PTCD3: variants seen among roughly 807,000 people sequenced by gnomAD.
PTCD3 encodes the protein small ribosomal subunit protein mS39.
A neutral mutation model predicts 101.9 loss-of-function variants in PTCD3; 89 were observed. The observed-to-expected ratio is 0.87, with a 90% confidence interval of 0.74 to 1.04. The LOEUF (loss-of-function observed/expected upper bound fraction) is 1.04, where lower values mean the gene tolerates loss of function less well. Ranked by LOEUF, PTCD3 falls within the 50% of genes least tolerant of loss-of-function variation. PTCD3 has a pLI of 0.00. For missense variants in PTCD3, 870 were observed against 828.2 expected (o/e 1.05, Z -0.62); for synonymous variants, 296 against 278.5 (o/e 1.06, Z -0.63).
chr2:86,123,783 A>G (rs1442362561), intron 9 of PTCD3, 21 bp downstream of exon 9: 1 of 1,554,044 alleles, frequency 6.4e-7, no homozygotes, highest in East Asian at 2.3e-5. Flanking sequence ...CGTAATTAGA[A>G]CCTTGAATTA....
At position 86,123,848 on chromosome 2, in the gene PTCD3, G is replaced by T. The variant is rs1017826427; in HGVS notation, c.716+86G>T. Reference sequence around the variant, plus strand: ...CATCACCCTGTGAAGATGTTTTCTTGTGATGTTCTAAAATAATTGATTTTT... The same window carrying T: ...CATCACCCTGTGAAGATGTTTTCTTTTGATGTTCTAAAATAATTGATTTTT... On this transcript the variant is annotated intron_variant, in intron 9 of 23. Coordinates refer to ENST00000254630, the MANE Select transcript of PTCD3 (RefSeq NM_017952.6). 6.8e-6 allele frequency: 6 copies of T among 883,890 alleles called. No individual in the cohort carries two copies. The African/African-American group carries it at 8.7e-5, about 13-fold the overall frequency. The allele number at this position is 883,890 out of a possible 1,614,324, so 54.8% of individuals were successfully genotyped here.
chr2:86,121,653 T>C, intron 8 of PTCD3, 59 bp downstream of exon 8: 1 of 1,136,530 alleles, frequency 8.8e-7, no homozygotes, highest in East Asian at 2.4e-5. Context: ...AAGAAATTGC[T>C]TTTAAAAATA....
chr2:86,107,285 ATC>A (rs1673975968), intron 1 of PTCD3: 1 of 467,202 alleles, frequency 2.1e-6, no homozygotes, highest in African/African-American at 2.0e-5. Context: ...AATAACTGTG[ATC>A]TCTGTTTTAA....
chr2:86,136,686 C>G (rs573416684), intron 22 of PTCD3, 124 bp downstream of exon 22: 2 of 1,164,260 alleles, frequency 1.7e-6, no homozygotes, highest in Admixed American at 3.7e-5. Flanking sequence ...CCGTCAACTC[C>G]CTACTATCCA....
chr2:86,135,054 G>A (rs375134828), intron 21 of PTCD3, 67 bp downstream of exon 21: 8 of 1,491,106 alleles, frequency 5.4e-6, no homozygotes, highest in East Asian at 2.3e-5. Context: ...ATTGGCCCAC[G>A]CTGGTAGAGG....
intron 21 of PTCD3, chr2:86,136,040 C>T (rs1384808057): frequency 1.9e-6 from 1 of 518,720 alleles, no homozygotes; most frequent in South Asian, 1.4e-5. Context: ...CAGACTGAAC[C>T]CCTGCTGTAC....
At chr2:86,135,205 T>C (rs1004166658) in intron 21 of PTCD3, 6 of 433,904 alleles carry the variant, frequency 1.4e-5, no homozygotes, top group South Asian at 7.6e-5. Flanking sequence ...CTGAGAATTA[T>C]CTTTCTACTT....
chr2:86,109,502 A>G (rs1674036294), intron 3 of PTCD3, among the ~76,000 whole-genome samples: 1 of 152,200 alleles, frequency 6.6e-6, no homozygotes. Context: ...CAGGGAGCCC[A>G]GTGATGTCAA....
At chr2:86,136,864 C>T (rs1674593382) in intron 22 of PTCD3, 118 bp from the exon 23 acceptor site, 1 of 1,305,918 alleles carries the variant, frequency 7.7e-7, no homozygotes, top group African/African-American at 1.5e-5. Context: ...TGTTAGACTT[C>T]ATCTTTGTCT....
At chr2:86,109,448 T>A (rs956685769) in intron 3 of PTCD3, among the ~76,000 whole-genome samples, 5 of 152,198 alleles carry the variant, frequency 3.3e-5, no homozygotes, top group East Asian at 1.9e-4. Flanking sequence ...AAGACTTTTT[T>A]AAGAACTTTA....
intron 6 of PTCD3, 116 bp downstream of exon 6, chr2:86,117,275 G>A (rs1674193235): frequency 1.9e-6 from 1 of 528,740 alleles, no homozygotes; most frequent in East Asian, 3.0e-5. Context: ...TGGATGATAA[G>A]CCTTTTAAAG....
At chr2:86,112,160 C>T (rs996307853) in intron 4 of PTCD3, 1 of 151,422 alleles carries the variant, frequency 6.6e-6, no homozygotes, top group African/African-American at 2.4e-5. Flanking sequence ...AGGTTCATGC[C>T]ATTCTCCTGT....
chr2:86,117,453 CTTT>C (rs758220686), intron 6 of PTCD3, among the ~76,000 whole-genome samples: 1 of 143,346 alleles, frequency 7.0e-6, no homozygotes. Flanking sequence ...CTTTCTCTTC[CTTT>C]TTTTTTTTTT....
intron 10 of PTCD3, 81 bp from the exon 11 acceptor site, chr2:86,125,374 T>C: frequency 1.4e-6 from 2 of 1,423,718 alleles, no homozygotes; most frequent in Non-Finnish European, 2.0e-6. Context: ...GCCTGAGCTA[T>C]ATTACCAAAC....
intron 9 of PTCD3, 26 bp downstream of exon 9, chr2:86,123,788 G>A (rs766045669): frequency 6.5e-7 from 1 of 1,531,374 alleles, no homozygotes; most frequent in Non-Finnish European, 8.9e-7. Context: ...TTAGAACCTT[G>A]AATTACAGTG....
rs183156485 is a variant in PTCD3, at chr2:86,106,482, A to G, written c.104+131A>G. The G allele has an allele frequency of 7.7e-5, 63 of 823,520 alleles. No homozygotes were observed. In the East Asian group the frequency reaches 1.6e-3, roughly 21 times the overall value. The allele number at this position is 823,520 out of a possible 1,614,324, so 51.0% of individuals were successfully genotyped here. A position where few individuals can be genotyped will look rare whatever the true frequency, so the allele number is the denominator to read the frequency against. ...GCGCCCTTAACGGTCGCGTGCCCTT[A>G]AGACCAGGTACGCGGAGGTGGCCCT... On this transcript the variant is annotated intron_variant, in intron 1 of 23. Transcript: ENST00000254630.
chr2:86,130,826 A>G, intron 15 of PTCD3, 89 bp downstream of exon 15: 2 of 1,517,094 alleles, frequency 1.3e-6, no homozygotes, highest in Non-Finnish European at 8.7e-7. Flanking sequence ...TGATCCCTAT[A>G]GCTTAGAAGT....
At chr2:86,111,002 A>AG (rs1156847737) in intron 3 of PTCD3, 111 bp from the exon 4 acceptor site, 6 of 978,518 alleles carry the variant, frequency 6.1e-6, no homozygotes, top group Non-Finnish European at 1.0e-5. Context: ...AACCAGCTTC[A>AG]GATGAGATCT....
chr2:86,118,099 A>G (rs562367131), intron 6 of PTCD3, among the ~76,000 whole-genome samples: 5 of 152,180 alleles, frequency 3.3e-5, no homozygotes, highest in South Asian at 2.1e-4. Flanking sequence ...AAGCATGGGT[A>G]TCTTTCTTAG....
Sources: allele counts gnomAD v4.1 joint callset (sites outside exome capture counted in the v4.1 genomes callset), GRCh38; gene constraint gnomAD v4.1.1; transcripts MANE v1.5; gene names NCBI Gene and HGNC (gene_info 2026-07-23, HGNC 2026-07-21).